The following ICE1 variants were observed in gnomAD, a reference collection of about 807,000 sequenced individuals.
ICE1 encodes little elongation complex subunit 1.
In ICE1, 64 loss-of-function variants were observed where a neutral mutation model predicts 192.7. That is an observed-to-expected ratio of 0.33 (90% CI 0.27 to 0.41). ICE1 has a LOEUF of 0.41. Among genes scored for constraint, ICE1 ranks in the 10% least tolerant of loss-of-function variants. ICE1 has a pLI of 1.00. For missense variants in ICE1, 2,708 were observed against 2,696.0 expected, an observed-to-expected ratio of 1.00 and a Z score of -0.10; for synonymous variants, 1,010 against 984.5, an observed-to-expected ratio of 1.03 and a Z score of -0.49.
chr5:5,436,582 C>G (rs1249184141), intron 2 of ICE1, 106 bp downstream of exon 2: 8 of 564,520 alleles, frequency 1.4e-5, no homozygotes, highest in Non-Finnish European at 2.4e-5. Context: ...ACTAGAGTTT[C>G]TCCTTTGGAG....
intron 15 of ICE1, among the ~76,000 whole-genome samples, chr5:5,472,854 T>G (rs956527381): frequency 6.6e-6 from 1 of 152,200 alleles, no homozygotes; most frequent in Admixed American, 6.5e-5. Flanking sequence ...GGGCACCATC[T>G]TATAAAGTTA....
chr5:5,468,902 A>G lies in ICE1; in HGVS notation c.6136A>G (p.Ile2046Val), dbSNP rs899839549. ...TGATATATTTCTCTCTCAATCGGTG[A>G]TTAATAAAGCAATGCAGTTAGTTGC... is the stretch of plus-strand genomic sequence containing the variant. ...WHDIFLSQSV[I>V]NKAMQLVARQ... Residue 2046 changes from isoleucine to valine, a missense_variant, in exon 15 of 19, where the codon ATT (isoleucine) becomes GTT (valine). By Grantham distance (29) the Ile-to-Val change is conservative (BLOSUM62 3). This residue lies in a region of ICE1 where 342 missense variants were observed against 419.3 expected (regional missense o/e 0.82). Coordinates refer to ENST00000296564, the MANE Select transcript of ICE1 (RefSeq NM_015325.3). The G allele has an allele frequency of 1.2e-6, 2 of 1,607,518 alleles. No homozygotes were observed. The highest frequency in any genetic ancestry group is 1.7e-6 in the Non-Finnish European group (2 of 1,177,362).
Position 5,489,192 on chromosome 5 carries a change from T to C in ICE1, c.6663T>C (p.Cys2221=). ...GIQLAAVYAL[C]DLSPSNPAEI... ...AGTTAGCAGCCGTGTATGCTCTTTG[T>C]GACTTGAGTCCCAGCAATCCAGCAG... is the stretch of plus-strand genomic sequence containing the variant. Residue 2221 remains cysteine (C), a synonymous_variant, in exon 19 of 19, where the codon TGT becomes TGC. Transcript: ENST00000296564. The C allele has an allele frequency of 6.2e-7, 1 of 1,614,004 alleles. No individual in the cohort carries two copies. Among genetic ancestry groups the C allele is most frequent in the South Asian group, 1.1e-5 (1 of 91,082 alleles).
In ICE1 at chr5:5,465,221, A is replaced by G; in HGVS notation, c.5887A>G (p.Lys1963Glu). 6.4e-7 allele frequency: 1 copy of G among 1,563,930 alleles called. No homozygotes were observed. The highest frequency in any genetic ancestry group is 8.7e-7 in the Non-Finnish European group (1 of 1,152,900). ...AGTTGTTTATGAATTTAGCACAACA[A>G]AAAAGGTATGTGGCTGCTCTTTTCT... Reference protein sequence around the residue: ...KEVVYEFSTTKKHLAECLLHS... With the variant: ...KEVVYEFSTTEKHLAECLLHS... The change falls in exon 13 of 19, where the codon AAA becomes GAA. Residue 1963 changes from lysine to glutamate, a missense_variant. Coordinates refer to ENST00000296564, the MANE Select transcript of ICE1 (RefSeq NM_015325.3).
intron 11 of ICE1, among the ~76,000 whole-genome samples, chr5:5,456,750 T>C (rs746334274): frequency 5.9e-5 from 9 of 152,214 alleles, no homozygotes; most frequent in Admixed American, 3.3e-4. Flanking sequence ...GAATCAAATG[T>C]TTTTGTTAAT....
In ICE1 at chr5:5,461,542, T is replaced by G; in HGVS notation, c.2208T>G (p.His736Gln). The G allele has an allele frequency of 1.2e-6, 2 of 1,613,276 alleles. No homozygotes were observed. The highest frequency in any genetic ancestry group is 1.7e-6 in the Non-Finnish European group (2 of 1,179,532). The change falls in exon 13 of 19, where the codon CAT (histidine) becomes CAG (glutamine). Residue 736 changes from histidine (H) to glutamine (Q), a missense_variant. Physicochemically the swap from His to Gln is conservative, Grantham distance 24. This residue lies in a region of ICE1 where 2,366 missense variants were observed against 2,276.6 expected (regional missense o/e 1.04). Transcript: ENST00000296564. ...TAGTAAAAGGCTTGACCAAAATACA[T>G]TCACTTCCTCGGTCAGTATTTATGA... The part of the protein sequence containing the change: ...TKVVKGLTKI[H>Q]SLPRSVFMKA...
At chr5:5,475,775 A>C (rs1263274983) in intron 16 of ICE1, among the ~76,000 whole-genome samples, 198 bp from the exon 17 acceptor site, 1 of 152,220 alleles carries the variant, frequency 6.6e-6, no homozygotes, top group Non-Finnish European at 1.5e-5. Flanking sequence ...CTGAATTTGC[A>C]GCCACGTTTA....
At chr5:5,442,882 T>G (rs1579547081) in intron 5 of ICE1, among the ~76,000 whole-genome samples, 1 of 152,356 alleles carries the variant, frequency 6.6e-6, no homozygotes, top group South Asian at 2.1e-4. Context: ...TTTTAATTAG[T>G]TGAGGCAAAA....
Position 5,489,482 on chromosome 5 carries a change from G to A in ICE1, c.*152G>A, listed in dbSNP as rs1739729875. On this transcript the variant is annotated 3_prime_UTR_variant, in exon 19 of 19. Coordinates refer to ENST00000296564, the MANE Select transcript of ICE1 (RefSeq NM_015325.3). ...GGCTCTCCTTATTGTTTGGCAAGGA[G>A]ACAGGAGAAACAAGCAGTCGCATAG... 1.2e-5 allele frequency: 8 copies of A among 657,234 alleles called. No individual in the cohort carries two copies. Among genetic ancestry groups the A allele is most frequent in the Non-Finnish European group, 1.9e-5 (8 of 410,994 alleles). 40.7% of individuals were successfully genotyped at this position (657,234 alleles called of 1,614,324 possible).
intron 1 of ICE1, among the ~76,000 whole-genome samples, chr5:5,433,211 G>C (rs1195377594): frequency 3.9e-5 from 6 of 152,150 alleles, no homozygotes; most frequent in Non-Finnish European, 8.8e-5. Context: ...AGGGTCCCTG[G>C]TGTTACAGAG....
Position 5,436,997 on chromosome 5 carries a change from C to T in ICE1, c.144-83C>T, listed in dbSNP as rs1479196434. ...GGAAATCTAGGAAGTCTAGAGGGTG[C>T]CTTGCATGGATTGAAACATAATTTT... On this transcript the variant is annotated intron_variant, in intron 2 of 18. Transcript: ENST00000296564. The T allele has an allele frequency of 1.3e-5, 11 of 830,882 alleles. No individual in the cohort carries two copies. The East Asian group carries it at 2.7e-4, about 20-fold the overall frequency. 51.5% of individuals were successfully genotyped at this position (830,882 alleles called of 1,614,324 possible).
intron 12 of ICE1, among the ~76,000 whole-genome samples, chr5:5,459,366 A>C (rs1738685207): frequency 6.6e-6 from 1 of 152,184 alleles, no homozygotes; most frequent in Non-Finnish European, 1.5e-5. Context: ...GTTTGGGAGA[A>C]TAATGTATAG....
intron 3 of ICE1, among the ~76,000 whole-genome samples, chr5:5,438,204 C>T (rs181389619): frequency 5.3e-5 from 8 of 152,290 alleles, no homozygotes; most frequent in Middle Eastern, 6.8e-3. Context: ...ACCATCAGAT[C>T]TCGTGGGAAC....
In ICE1 at chr5:5,461,454, GC is replaced by G. The variant is rs1315481452; in HGVS notation, c.2123del (p.Pro708LeufsTer16). The G allele has an allele frequency of 6.2e-7, 1 of 1,614,038 alleles. No individual in the cohort carries two copies. The highest frequency in any genetic ancestry group is 8.5e-7 in the Non-Finnish European group (1 of 1,179,902). On this transcript the variant is annotated frameshift_variant, in exon 13 of 19. Coordinates refer to ENST00000296564, the MANE Select transcript of ICE1 (RefSeq NM_015325.3). LOFTEE classifies it high-confidence loss of function. ...TTGGAGAATAGCTTGTGTGCCTTGA[GC>G]CCTGAATTGGGAGCATCTAATTTTA... ...NNLENSLCAL[S>X]PELGASNFND...
At position 5,460,926 on chromosome 5, in the gene ICE1, G is replaced by C; in HGVS notation, c.1592G>C (p.Cys531Ser). 5.0e-6 allele frequency: 8 copies of C among 1,614,026 alleles called. No individual in the cohort carries two copies. The highest frequency in any genetic ancestry group is 5.9e-6 in the Non-Finnish European group (7 of 1,179,900). Residue 531 changes from cysteine to serine, a missense_variant, in exon 13 of 19, where the codon TGT becomes TCT. Cys to Ser is a moderately radical substitution (Grantham distance 112). Coordinates refer to ENST00000296564, the MANE Select transcript of ICE1 (RefSeq NM_015325.3). ...GCTGCCCCTGGGAAGTCTGAGTTGT[G>C]TTCTTCTCCCCTTGGCAAAAGGCCA... ...KEAAPGKSEL[C>S]SSPLGKRPLN...
At chr5:5,451,115 C>G (rs1472488138) in intron 10 of ICE1, among the ~76,000 whole-genome samples, 1 of 152,032 alleles carries the variant, frequency 6.6e-6, no homozygotes, top group Non-Finnish European at 1.5e-5. Context: ...TCTGCAAAAA[C>G]AAAACCTGCA....
At chr5:5,472,471 G>A (rs962211338) in intron 15 of ICE1, among the ~76,000 whole-genome samples, 12 of 152,158 alleles carry the variant, frequency 7.9e-5, no homozygotes, top group African/African-American at 2.9e-4. Context: ...ACTCAAAAAA[G>A]TGAATATATG....
At position 5,465,766 on chromosome 5, in the gene ICE1, G is replaced by A. The variant is rs141155226; in HGVS notation, c.5892+540G>A. The stretch of plus-strand genomic sequence containing the variant: ...TAGTGCTTATCTGCAGACACTTGGA[G>A]TCATTTTGGCATAAATATTTATTTT... On this transcript the variant is annotated intron_variant, in intron 13 of 18. Transcript: ENST00000296564. Among the ~76,000 whole-genome samples the A allele has an allele frequency of 2.5e-3, 385 of 152,246 alleles. 1 individual carries two copies. Among genetic ancestry groups the A allele is most frequent in the African/African-American group, 9.0e-3 (372 of 41,540 alleles).
At chr5:5,475,503 CT>C (rs1204585774) in intron 16 of ICE1, among the ~76,000 whole-genome samples, 2 of 152,180 alleles carry the variant, frequency 1.3e-5, no homozygotes, top group Admixed American at 6.5e-5. Context: ...TGGAAACTTT[CT>C]TTTATCCATC....
Sources: allele counts gnomAD v4.1 joint callset (sites outside exome capture counted in the v4.1 genomes callset), GRCh38; gene constraint gnomAD v4.1.1; regional missense constraint gnomAD v4.1.1; transcripts MANE v1.5; gene names NCBI Gene and HGNC (gene_info 2026-07-23, HGNC 2026-07-21).